CEACAM8: variants seen among roughly 807,000 people sequenced by gnomAD.
The protein encoded by CEACAM8 is CEA cell adhesion molecule 8, also known as cell adhesion molecule CEACAM8.
Under a neutral mutation model 33.4 loss-of-function variants are expected in CEACAM8, and 31 were observed. The observed-to-expected ratio is 0.93, with a 90% CI of 0.70 to 1.25. CEACAM8 has a LOEUF of 1.25. Ranked by LOEUF, CEACAM8 falls within the 50% of genes most tolerant of loss-of-function variation. CEACAM8 has a pLI of 0.00. For missense variants in CEACAM8, 388 were observed against 434.6 expected, an observed-to-expected ratio of 0.89 and a Z score of 0.95; for synonymous variants, 138 against 164.5, an observed-to-expected ratio of 0.84 and a Z score of 1.23.
Position 42,594,873 on chromosome 19 carries a change from G to C in CEACAM8, c.-45C>G. On this transcript the variant is annotated 5_prime_UTR_variant, in exon 1 of 6. The change creates a new upstream start codon in the 5' untranslated region. Coordinates refer to ENST00000244336, the MANE Select transcript of CEACAM8 (RefSeq NM_001816.4). Reference sequence around the variant, plus strand: ...TTCTCCTCTGTGGAGATGAGCCTGGGATCCAGAAACTTTCTGAGCACGGCT... The same window carrying C: ...TTCTCCTCTGTGGAGATGAGCCTGGCATCCAGAAACTTTCTGAGCACGGCT... 6.3e-7 allele frequency: 1 copy of C among 1,581,332 alleles called. No homozygotes were observed.
intron 2 of CEACAM8, among the ~76,000 whole-genome samples, chr19:42,591,342 G>A (rs1397811101): frequency 6.6e-6 from 1 of 152,226 alleles, no homozygotes; most frequent in South Asian, 2.1e-4. Flanking sequence ...CCTGAAGTTC[G>A]CTTGAAATTA....
chr19:42,582,326 CT>C (rs2042272782), intron 5 of CEACAM8, among the ~76,000 whole-genome samples: 2 of 152,040 alleles, frequency 1.3e-5, no homozygotes, highest in Non-Finnish European at 2.9e-5. Flanking sequence ...GTGGCATTCA[CT>C]TTTTTCTATT....
At chr19:42,581,644 C>T (rs2042257714) in intron 5 of CEACAM8, among the ~76,000 whole-genome samples, 1 of 151,810 alleles carries the variant, frequency 6.6e-6, no homozygotes, top group African/African-American at 2.4e-5. Context: ...GTAATCCCAG[C>T]ACTTTGGGAG....
intron 3 of CEACAM8, 102 bp from the exon 4 acceptor site, chr19:42,589,140 C>G: frequency 6.9e-7 from 1 of 1,448,120 alleles, no homozygotes; most frequent in Non-Finnish European, 9.4e-7. Flanking sequence ...AGTCACAAAC[C>G]TGAGCCAAGT....
intron 4 of CEACAM8, among the ~76,000 whole-genome samples, chr19:42,585,891 G>C (rs1362788907): frequency 6.6e-6 from 1 of 152,094 alleles, no homozygotes; most frequent in Non-Finnish European, 1.5e-5. Flanking sequence ...ATTCAGTAAT[G>C]TTGCAGGATA....
At position 42,588,836 on chromosome 19, in the gene CEACAM8, A is replaced by G. The variant is rs769814660; in HGVS notation, c.906T>C (p.Thr302=). 6.2e-7 allele frequency: 1 copy of G among 1,614,144 alleles called. No homozygotes were observed. Among genetic ancestry groups the G allele is most frequent in the South Asian group, 1.1e-5 (1 of 91,080 alleles). Residue 302 remains threonine, a synonymous_variant, in exon 4 of 6, where the codon ACT becomes ACC. Transcript: ENST00000244336. ...TCCTGTTGCGGCCAGTGGCTGAGTT[A>G]GTGGTGTGGCAGGCATAGGATCCGC... ...KNSGSYACHT[T]NSATGRNRTT... is the part of the protein sequence containing the mutation.
chr19:42,589,923 T>C (rs1185861850), intron 2 of CEACAM8, among the ~76,000 whole-genome samples, 188 bp from the exon 3 acceptor site: 1 of 152,192 alleles, frequency 6.6e-6, no homozygotes, highest in East Asian at 1.9e-4. Context: ...CCGCCTTCTC[T>C]GTGTGGGAGA....
Position 42,593,538 on chromosome 19 carries a change from C to A in CEACAM8, c.424+3G>T. ...CACCCAGAGGTCATGGGGAATCACTCACGATGTACGCTGAACTGGCCAGTT... is the reference window on the plus strand; with the variant it reads ...CACCCAGAGGTCATGGGGAATCACTAACGATGTACGCTGAACTGGCCAGTT... On this transcript the variant is annotated splice_donor_region_variant and intron_variant, in intron 2 of 5. Coordinates refer to ENST00000244336, the MANE Select transcript of CEACAM8 (RefSeq NM_001816.4). The A allele has an allele frequency of 6.4e-7, 1 of 1,553,826 alleles. No homozygotes were observed. Among genetic ancestry groups the A allele is most frequent in the Non-Finnish European group, 8.7e-7 (1 of 1,147,890 alleles).
At chr19:42,589,144 G>A in intron 3 of CEACAM8, 106 bp from the exon 4 acceptor site, 1 of 1,423,042 alleles carries the variant, frequency 7.0e-7, no homozygotes, top group Non-Finnish European at 9.5e-7. Context: ...ACAAACCTGA[G>A]CCAAGTCCCA....
chr19:42,592,597 C>CAAAAAAAAA (rs922130468), intron 2 of CEACAM8, among the ~76,000 whole-genome samples: 17 of 41,816 alleles, frequency 4.1e-4, no homozygotes, highest in African/African-American at 6.9e-4. Context: ...GACTCCGTCT[C>CAAAAAAAAA]AAAAAAAAAA....
At chr19:42,584,686 C>G (rs949204147) in intron 4 of CEACAM8, among the ~76,000 whole-genome samples, 1 of 152,170 alleles carries the variant, frequency 6.6e-6, no homozygotes, top group Non-Finnish European at 1.5e-5. Context: ...GAATCAGAGG[C>G]TCAGAGAAGT....
intron 5 of CEACAM8, among the ~76,000 whole-genome samples, chr19:42,582,396 G>A (rs2042273517): frequency 6.6e-6 from 1 of 151,944 alleles, no homozygotes. Flanking sequence ...TGTTCTCTGG[G>A]GTAGGGATCT....
chr19:42,581,837 C>T (rs1490597198), intron 5 of CEACAM8, among the ~76,000 whole-genome samples: 4 of 130,560 alleles, frequency 3.1e-5, no homozygotes, highest in African/African-American at 1.2e-4. Flanking sequence ...TTGCAGTGAG[C>T]CGAGATTGTG....
At chr19:42,585,020 C>T (rs2042311499) in intron 4 of CEACAM8, among the ~76,000 whole-genome samples, 1 of 152,200 alleles carries the variant, frequency 6.6e-6, no homozygotes. Flanking sequence ...GGACTCCCAG[C>T]ATGGTGGCTT....
intron 5 of CEACAM8, among the ~76,000 whole-genome samples, chr19:42,582,020 G>A (rs773558739): frequency 8.2e-5 from 11 of 134,356 alleles, no homozygotes; most frequent in Non-Finnish European, 1.2e-4. Context: ...GCCCATTAAT[G>A]AACAGGGCCA....
At chr19:42,587,592 G>T (rs186882784) in intron 4 of CEACAM8, among the ~76,000 whole-genome samples, 36 of 152,342 alleles carry the variant, frequency 2.4e-4, no homozygotes, top group African/African-American at 8.4e-4. Context: ...GGGTTAGAGG[G>T]AGAAGGAGTG....
At chr19:42,586,335 CA>C (rs1157014606) in intron 4 of CEACAM8, among the ~76,000 whole-genome samples, 1 of 152,078 alleles carries the variant, frequency 6.6e-6, no homozygotes, top group Non-Finnish European at 1.5e-5. Flanking sequence ...CTGATTTCAG[CA>C]TTTACTACAA....
rs986847125 is a variant in CEACAM8, at chr19:42,583,886, C to T, written c.959-549G>A. Among the ~76,000 whole-genome samples, 11 of 152,330 alleles carry T rather than the reference C, an allele frequency of 7.2e-5. 1 individual carries two copies. Among genetic ancestry groups the T allele is most frequent in the African/African-American group, 2.4e-4 (10 of 41,578 alleles). Reference sequence around the variant, plus strand: ...GCCCCATCAGCCTTGCCTAAACTCACTTAGAACTGCACTGCTATCTAAAAC... The same window carrying T: ...GCCCCATCAGCCTTGCCTAAACTCATTTAGAACTGCACTGCTATCTAAAAC... On this transcript the variant is annotated intron_variant, in intron 4 of 5. Coordinates refer to ENST00000244336, the MANE Select transcript of CEACAM8 (RefSeq NM_001816.4).
chr19:42,593,958 TG>T, intron 1 of CEACAM8, 58 bp from the exon 2 acceptor site: 2 of 1,514,062 alleles, frequency 1.3e-6, no homozygotes, highest in Non-Finnish European at 8.9e-7. Flanking sequence ...AGTAGAAAAA[TG>T]GGGACATCAG....
Sources: gnomAD v4.1 joint callset for allele counts (sites outside exome capture counted in the v4.1 genomes callset) on GRCh38, gnomAD v4.1.1 for gene constraint, MANE v1.5 for transcripts, NCBI Gene and HGNC (gene_info 2026-07-23, HGNC 2026-07-21) for gene names.